Variants in FRMD6 observed in about 807,000 individuals in gnomAD.
FRMD6 encodes the protein FERM domain-containing protein 6.
A neutral mutation model predicts 73.2 loss-of-function variants in FRMD6; 37 were observed. That is an observed-to-expected ratio of 0.51 (90% CI 0.39 to 0.66). The LOEUF (loss-of-function observed/expected upper bound fraction) is 0.66. Ranked by LOEUF, FRMD6 falls within the 30% of genes least tolerant of loss-of-function variation. The pLI, the probability that FRMD6 is intolerant of heterozygous loss-of-function variation, is 0.00. For synonymous variants in FRMD6, 273 were observed against 282.2 expected, an observed-to-expected ratio of 0.97 and a Z score of 0.33; for missense variants, 714 against 780.5, an observed-to-expected ratio of 0.91 and a Z score of 1.02.
chr14:51,671,576 G>GA lies in FRMD6; in HGVS notation c.-146-18111dup, dbSNP rs573341228. On this transcript the variant is annotated intron_variant, in intron 1 of 13. Coordinates refer to ENST00000344768, the MANE Select transcript of FRMD6 (RefSeq NM_001267046.2). ...GGGTAAGACAGCAGGACAGCAGTTT[G>GA]AAAAGAACCCCTCTCAAAGCAGCAT... 2.6e-5 allele frequency among the ~76,000 whole-genome samples: 4 copies of GA among 152,274 alleles called. No individual in the cohort carries two copies. In the East Asian group the frequency reaches 7.7e-4, roughly 29 times the overall value.
intron 1 of FRMD6, among the ~76,000 whole-genome samples, chr14:51,505,173 T>G (rs894662745): frequency 1.3e-5 from 2 of 152,132 alleles, no homozygotes; most frequent in Non-Finnish European, 2.9e-5. Context: ...CCCCGAATAT[T>G]CTCCCAGAAA....
intron 1 of FRMD6, among the ~76,000 whole-genome samples, chr14:51,555,410 T>C (rs921426405): frequency 1.3e-5 from 2 of 152,176 alleles, no homozygotes; most frequent in South Asian, 2.1e-4. Flanking sequence ...ATTTTCACAA[T>C]TGGGCTATGT....
At chr14:51,444,006 G>A in the FRMD6 span, among the ~76,000 whole-genome samples, 1 of 146,162 alleles carries the variant, frequency 6.8e-6, no homozygotes, top group African/African-American at 2.6e-5. Context: ...TTGGCTCACT[G>A]CAACCTCCAC....
the FRMD6 span, among the ~76,000 whole-genome samples, chr14:51,465,220 ATGAT>A: frequency 5.3e-5 from 8 of 152,238 alleles, no homozygotes; most frequent in African/African-American, 1.9e-4. Flanking sequence ...GTTTACTAGA[ATGAT>A]TGTTTCTGTT....
chr14:51,688,183 A>G (rs888996758), intron 1 of FRMD6, among the ~76,000 whole-genome samples: 2 of 152,026 alleles, frequency 1.3e-5, no homozygotes, highest in African/African-American at 2.4e-5. Context: ...ACATGGGTTA[A>G]CCATCCATCC....
chr14:51,479,761 G>A, the FRMD6 span, among the ~76,000 whole-genome samples: 1 of 152,184 alleles, frequency 6.6e-6, no homozygotes, highest in Non-Finnish European at 1.5e-5. Flanking sequence ...ACTTGAGCTA[G>A]GCTTTTGAGC....
At chr14:51,538,236 ATTTTAAAATTGGGTTGTC>A (rs1886007368) in intron 1 of FRMD6, among the ~76,000 whole-genome samples, 1 of 152,110 alleles carries the variant, frequency 6.6e-6, no homozygotes, top group Admixed American at 6.6e-5. Flanking sequence ...AACTCTGTAC[ATTTTAAAATTGGGTTGTC>A]TTTTTTATTG....
the FRMD6 span, among the ~76,000 whole-genome samples, chr14:51,445,892 A>G: frequency 6.6e-6 from 1 of 152,260 alleles, no homozygotes; most frequent in South Asian, 2.1e-4. Flanking sequence ...TCTTGCGTAT[A>G]CTACATAGCA....
intron 1 of FRMD6, among the ~76,000 whole-genome samples, chr14:51,517,900 G>A (rs1884722876): frequency 6.6e-6 from 1 of 152,096 alleles, no homozygotes; most frequent in Non-Finnish European, 1.5e-5. Flanking sequence ...TCCCTCCCAA[G>A]TGACTGTCTA....
the FRMD6 span, among the ~76,000 whole-genome samples, chr14:51,441,430 T>A: frequency 3.3e-5 from 5 of 152,232 alleles, no homozygotes; most frequent in Non-Finnish European, 7.3e-5. Flanking sequence ...TAGCATCCAA[T>A]CCTCAGAAAC....
At chr14:51,469,565 ATAGCGCC>A in the FRMD6 span, among the ~76,000 whole-genome samples, 5 of 147,408 alleles carry the variant, frequency 3.4e-5, no homozygotes, top group Non-Finnish European at 7.4e-5. Flanking sequence ...GTGAGCCAAG[ATAGCGCC>A]ACTGCACTCC....
At chr14:51,405,007 A>G in the FRMD6 span, among the ~76,000 whole-genome samples, 3 of 152,118 alleles carry the variant, frequency 2.0e-5, no homozygotes, top group Non-Finnish European at 4.4e-5. Flanking sequence ...GCTCCCACTT[A>G]CAAGTGAGAA....
chr14:51,721,042 A>G (rs1047788736), intron 11 of FRMD6, among the ~76,000 whole-genome samples: 4 of 152,184 alleles, frequency 2.6e-5, no homozygotes, highest in Admixed American at 6.5e-5. Context: ...TGTTAAAGAA[A>G]AGTGCAGACC....
chr14:51,574,952 A>T (rs1167409290), intron 2 of FRMD6, among the ~76,000 whole-genome samples: 1 of 152,210 alleles, frequency 6.6e-6, no homozygotes, highest in African/African-American at 2.4e-5. Context: ...AAATATATAC[A>T]CATAGTATGT....
chr14:51,542,872 C>T (rs1886273851), intron 1 of FRMD6, among the ~76,000 whole-genome samples: 1 of 152,012 alleles, frequency 6.6e-6, no homozygotes. Flanking sequence ...TGACTAGTGA[C>T]ATTGAGCATC....
chr14:51,555,022 C>A (rs1264528255), intron 1 of FRMD6, among the ~76,000 whole-genome samples: 2 of 152,138 alleles, frequency 1.3e-5, no homozygotes, highest in African/African-American at 4.8e-5. Flanking sequence ...AAAGAGCCAT[C>A]CTGGCCTGCA....
At chr14:51,479,294 C>T in the FRMD6 span, among the ~76,000 whole-genome samples, 1 of 152,190 alleles carries the variant, frequency 6.6e-6, no homozygotes, top group South Asian at 2.1e-4. Context: ...CAAACATGTT[C>T]ACTCTTATAG....
At chr14:51,701,427 T>C (rs1896304877) in intron 4 of FRMD6, among the ~76,000 whole-genome samples, 1 of 145,818 alleles carries the variant, frequency 6.9e-6, no homozygotes, top group Non-Finnish European at 1.5e-5. Flanking sequence ...ATATGTATAG[T>C]AGTATATATA....
Position 51,720,312 on chromosome 14 carries a change from A to T in FRMD6, c.1282A>T (p.Thr428Ser). ...HRKLKTCSSM[T>S]SHGSSHTSGV... Reference sequence around the variant, plus strand: ...CAAGCTGAAAACCTGCAGCTCAATGACCAGTCATGGCAGCTCCCACACCTC... The same window carrying T: ...CAAGCTGAAAACCTGCAGCTCAATGTCCAGTCATGGCAGCTCCCACACCTC... The change falls in exon 11 of 14, where the codon ACC (threonine) becomes TCC (serine). Residue 428 changes from threonine to serine, a missense_variant. Transcript: ENST00000344768. 6.2e-7 allele frequency: 1 copy of T among 1,613,926 alleles called. No individual in the cohort carries two copies. Among genetic ancestry groups the T allele is most frequent in the South Asian group, 1.1e-5 (1 of 91,070 alleles).
Sources: gnomAD v4.1 joint callset for allele counts (sites outside exome capture counted in the v4.1 genomes callset) on GRCh38, gnomAD v4.1.1 for gene constraint, MANE v1.5 for transcripts, NCBI Gene and HGNC (gene_info 2026-07-23, HGNC 2026-07-21) for gene names.